The following BLACAT1 variants were observed in gnomAD, a reference collection of about 807,000 sequenced individuals.
BLACAT1 encodes bladder cancer associated transcript 1.
chr1:205,450,510 C>T lies in BLACAT1; in HGVS notation c.-37+5407G>A, dbSNP rs969926738. On this transcript the variant is annotated intron_variant, in intron 1 of 1. Coordinates refer to ENST00000629624, the Ensembl canonical transcript of BLACAT1. This position sits in a 1 kb window ranked among gnomAD's most constrained non-coding sequence, Gnocchi z 4.4. ...CTCACCCATACCCCTATTCTGCTCC[C>T]ACCACTCCCCTGCCCTGGGAGGACA... 1.1e-4 allele frequency among the ~76,000 whole-genome samples: 16 copies of T among 151,908 alleles called. 1 individual carries two copies. Among genetic ancestry groups the T allele is most frequent in the Middle Eastern group, 3.4e-3 (1 of 294 alleles).
chr1:205,443,189 A>G (rs1666324841), intron 1 of BLACAT1, among the ~76,000 whole-genome samples: 1 of 152,182 alleles, frequency 6.6e-6, no homozygotes, highest in Non-Finnish European at 1.5e-5. Flanking sequence ...GACAGGCACA[A>G]CAAGGCTAAT....
At chr1:205,455,268 C>T (rs549244010) in intron 1 of BLACAT1, among the ~76,000 whole-genome samples, 1 of 152,238 alleles carries the variant, frequency 6.6e-6, no homozygotes, top group Non-Finnish European at 1.5e-5. Context: ...CAGACCTAGA[C>T]CCCACAGACA....
At chr1:205,453,971 A>G (rs963097408) in intron 1 of BLACAT1, among the ~76,000 whole-genome samples, 3 of 152,090 alleles carry the variant, frequency 2.0e-5, no homozygotes, top group African/African-American at 4.8e-5. Flanking sequence ...CTTTTCTTCC[A>G]TGCCCCTCCT....
intron 1 of BLACAT1, among the ~76,000 whole-genome samples, chr1:205,454,234 A>G (rs1037509140): frequency 3.3e-5 from 5 of 152,210 alleles, no homozygotes; most frequent in Non-Finnish European, 2.9e-5. Context: ...CCATATGCAT[A>G]TGACTGCAAT....
intron 1 of BLACAT1, among the ~76,000 whole-genome samples, chr1:205,451,490 G>T (rs531603864): frequency 3.9e-5 from 6 of 152,264 alleles, no homozygotes; most frequent in African/African-American, 1.4e-4. Context: ...ACAGCCACCC[G>T]CCCTGCTTGC....
chr1:205,444,992 G>A (rs995104707), intron 1 of BLACAT1, among the ~76,000 whole-genome samples: 6 of 148,710 alleles, frequency 4.0e-5, no homozygotes, highest in East Asian at 4.0e-4. Flanking sequence ...CCCCCTCCCC[G>A]GCTCCCTTAG....
At chr1:205,447,854 TCTC>T (rs1336852411) in intron 1 of BLACAT1, among the ~76,000 whole-genome samples, 1 of 151,728 alleles carries the variant, frequency 6.6e-6, no homozygotes, top group Non-Finnish European at 1.5e-5. Context: ...AGCCCAGAGG[TCTC>T]CTTACACAGA....
At chr1:205,435,116 A>G (rs1666183774), downstream of BLACAT1, 1 of 152,238 alleles carries the variant, frequency 6.6e-6, no homozygotes, top group South Asian at 2.1e-4. Context: ...GGAGTTTAGC[A>G]TGATATAGAT....
intron 1 of BLACAT1, among the ~76,000 whole-genome samples, chr1:205,444,731 G>A (rs935666791): frequency 7.2e-5 from 11 of 152,128 alleles, no homozygotes; most frequent in Admixed American, 4.6e-4. Context: ...GCGGCAGCGG[G>A]GGTGGAAGGC....
rs1005622595 is a variant in BLACAT1 at position 205,441,920 on chromosome 1, T to C, written c.-36-858A>G. 1.3e-5 allele frequency among the ~76,000 whole-genome samples: 2 copies of C among 152,168 alleles called. 1 individual carries two copies. The highest frequency in any genetic ancestry group is 4.1e-4 in the South Asian group (2 of 4,828). ...GAGCCAGGGGCCGCTCTGGTATCTGTTGCAGTCTGGCTGGGGAAGAGAGGG... is the reference window on the plus strand; with the variant it reads ...GAGCCAGGGGCCGCTCTGGTATCTGCTGCAGTCTGGCTGGGGAAGAGAGGG... On this transcript the variant is annotated intron_variant, in intron 1 of 1. Coordinates refer to ENST00000629624, the Ensembl canonical transcript of BLACAT1. The surrounding 1 kb of genome is among the most constrained non-coding windows in gnomAD (Gnocchi z 4.3).
chr1:205,455,404 C>T (rs1319646883), intron 1 of BLACAT1, among the ~76,000 whole-genome samples: 3 of 152,144 alleles, frequency 2.0e-5, no homozygotes, highest in Non-Finnish European at 4.4e-5. Flanking sequence ...TTCTCCCAGG[C>T]CCCAAACTGG....
Position 205,448,522 on chromosome 1 carries a change from C to T in BLACAT1, c.-37+7395G>A. ...CACACTGCCTCCCTCCAGGACTGGG[C>T]CCCCCAGGTTAAATTCTCTCACCAT... On this transcript the variant is annotated intron_variant, in intron 1 of 1. Transcript: ENST00000629624. This position sits in a 1 kb window ranked among gnomAD's most constrained non-coding sequence, Gnocchi z 4.7. 1 of 390,752 alleles carries T rather than the reference C, an allele frequency of 2.6e-6. No individual in the cohort carries two copies. Among genetic ancestry groups the T allele is most frequent in the South Asian group, 1.9e-5 (1 of 53,644 alleles). The allele number at this position is 390,752 out of a possible 1,614,324, so 24.2% of individuals were successfully genotyped here. A position where few individuals can be genotyped will look rare whatever the true frequency, so the allele number is the denominator to read the frequency against.
At chr1:205,447,681 C>T (rs941692776) in intron 1 of BLACAT1, among the ~76,000 whole-genome samples, 5 of 151,940 alleles carry the variant, frequency 3.3e-5, no homozygotes, top group Admixed American at 1.3e-4. Flanking sequence ...CTTCACACAC[C>T]GCAGGAGGGG....
chr1:205,448,310 C>G lies in BLACAT1; in HGVS notation c.-36-7248G>C, dbSNP rs573530355. The G allele has an allele frequency of 6.4e-5, 34 of 531,202 alleles. 1 individual carries two copies. Among genetic ancestry groups the G allele is most frequent in the South Asian group, 4.8e-4 (34 of 71,506 alleles). The allele number at this position is 531,202 out of a possible 1,614,324, so 32.9% of individuals were successfully genotyped here. A position where few individuals can be genotyped will look rare whatever the true frequency, so the allele number is the denominator to read the frequency against. ...GCAGCTGCGCAGGAGAAGGAGCTCG[C>G]CCCTCACTGTAGCCCATGGCTTTTA... On this transcript the variant is annotated intron_variant, in intron 1 of 1. Coordinates refer to ENST00000629624, the Ensembl canonical transcript of BLACAT1. The surrounding 1 kb of genome is among the most constrained non-coding windows in gnomAD (Gnocchi z 4.7).
intron 1 of BLACAT1, among the ~76,000 whole-genome samples, chr1:205,443,781 G>A (rs547654459): frequency 4.6e-5 from 7 of 152,314 alleles, no homozygotes; most frequent in African/African-American, 7.2e-5. Flanking sequence ...GCAGATTGCC[G>A]GGCCAGCCCC....
chr1:205,453,894 A>G (rs917220894), intron 1 of BLACAT1, among the ~76,000 whole-genome samples: 1 of 152,218 alleles, frequency 6.6e-6, no homozygotes, highest in Admixed American at 6.5e-5. Context: ...CATGCATTTC[A>G]ACCTGAGCAA....
intron 1 of BLACAT1, among the ~76,000 whole-genome samples, chr1:205,443,335 G>GT (rs1666326932): frequency 1.3e-5 from 2 of 152,132 alleles, no homozygotes; most frequent in Admixed American, 6.5e-5. Context: ...TTCAATGACT[G>GT]TTCTTTCTTA....
chr1:205,438,682 G>A (rs1204423295), downstream of BLACAT1, among the ~76,000 whole-genome samples: 1 of 152,178 alleles, frequency 6.6e-6, no homozygotes, highest in East Asian at 1.9e-4. Context: ...CCTCAGCCCT[G>A]GGTGAAGAAG....
At chr1:205,442,323 T>G (rs1575008910) in intron 1 of BLACAT1, among the ~76,000 whole-genome samples, 2 of 152,138 alleles carry the variant, frequency 1.3e-5, no homozygotes, top group African/African-American at 4.8e-5. Context: ...CCTCAAGCAA[T>G]AGAGATTGCA....
Sources: gnomAD v4.1 joint callset for allele counts (sites outside exome capture counted in the v4.1 genomes callset) on GRCh38, gnomAD v4.1.1 for gene constraint, Gnocchi (gnomAD v3.1) non-coding constraint, MANE v1.5 for transcripts, NCBI Gene and HGNC (gene_info 2026-07-23, HGNC 2026-07-21) for gene names.